Variants in FBXL13 observed in about 807,000 individuals in gnomAD.
FBXL13 encodes the protein F-box and leucine-rich repeat protein 13.
Under a neutral mutation model 83.6 loss-of-function variants are expected in FBXL13, and 67 were observed. The ratio of observed to expected loss-of-function variants is 0.80; its 90% CI spans 0.66 to 0.98. The LOEUF (loss-of-function observed/expected upper bound fraction) is 0.98. Ranked by LOEUF, FBXL13 falls within the 50% of genes least tolerant of loss-of-function variation. The probability of loss-of-function intolerance (pLI) is 0.00; values close to 1 mark genes in which losing one functional copy is unlikely to be tolerated. For synonymous variants in FBXL13, 272 were observed against 299.5 expected, an observed-to-expected ratio of 0.91 and a Z score of 0.95; for missense variants, 822 against 866.5, an observed-to-expected ratio of 0.95 and a Z score of 0.64.
intron 6 of FBXL13, among the ~76,000 whole-genome samples, chr7:103,014,921 C>CAAA (rs1166056647): frequency 1.6e-3 from 32 of 20,588 alleles, no homozygotes; most frequent in Non-Finnish European, 2.5e-3. Context: ...GACTCCGTCT[C>CAAA]AAAAAAAAAA....
chr7:102,953,891 G>A (rs1303225138), intron 8 of FBXL13, among the ~76,000 whole-genome samples: 2 of 152,074 alleles, frequency 1.3e-5, no homozygotes, highest in East Asian at 1.9e-4. Flanking sequence ...TTTCATATGT[G>A]TATATATGTG....
At chr7:102,973,540 C>A (rs941522917) in intron 6 of FBXL13, 1 of 764,626 alleles carries the variant, frequency 1.3e-6, no homozygotes, top group African/African-American at 1.7e-5. Flanking sequence ...CTCATTAAAA[C>A]AGCAGGTTGC....
chr7:102,855,898 TAAA>T (rs1273039300), intron 16 of FBXL13, among the ~76,000 whole-genome samples: 5 of 139,298 alleles, frequency 3.6e-5, no homozygotes, highest in African/African-American at 1.3e-4. Context: ...GGCCTTCTCA[TAAA>T]AAAAAAAAAG....
At chr7:103,045,524 G>C (rs976731780) in intron 2 of FBXL13, among the ~76,000 whole-genome samples, 29 of 152,154 alleles carry the variant, frequency 1.9e-4, no homozygotes, top group Non-Finnish European at 4.0e-4. Flanking sequence ...AGAACATTGA[G>C]TTTTGCAAAG....
chr7:103,072,422 T>A (rs866748791), intron 1 of FBXL13, among the ~76,000 whole-genome samples: 2 of 152,098 alleles, frequency 1.3e-5, no homozygotes, highest in Middle Eastern at 3.2e-3. Context: ...AGAATGCATA[T>A]AAGGGCCTCC....
At chr7:102,997,822 A>G (rs1445299021) in intron 6 of FBXL13, among the ~76,000 whole-genome samples, 1 of 152,180 alleles carries the variant, frequency 6.6e-6, no homozygotes, top group Non-Finnish European at 1.5e-5. Context: ...TCATCTGTTG[A>G]TGAACACTTA....
At chr7:102,834,085 GAAA>G (rs374592767) in intron 17 of FBXL13, among the ~76,000 whole-genome samples, 9 of 79,180 alleles carry the variant, frequency 1.1e-4, no homozygotes, top group African/African-American at 4.9e-4. Flanking sequence ...AGGAAGGAAA[GAAA>G]AGAAAGAAAG....
chr7:102,815,605 A>AGACC (rs1797888826), intron 19 of FBXL13, among the ~76,000 whole-genome samples: 1 of 152,086 alleles, frequency 6.6e-6, no homozygotes, highest in Non-Finnish European at 1.5e-5. Flanking sequence ...CTGTAGTACA[A>AGACC]GAGTAGCACA....
At chr7:102,987,423 C>T (rs1221254769) in intron 6 of FBXL13, among the ~76,000 whole-genome samples, 2 of 151,858 alleles carry the variant, frequency 1.3e-5, no homozygotes, top group Non-Finnish European at 2.9e-5. Context: ...AACCTAATTC[C>T]CCAAGCATCA....
intron 8 of FBXL13, among the ~76,000 whole-genome samples, chr7:102,959,979 T>A (rs1005059814): frequency 2.6e-5 from 4 of 152,144 alleles, no homozygotes; most frequent in Admixed American, 1.3e-4. Flanking sequence ...TGTGTATTTT[T>A]AATCACATAT....
At chr7:102,918,628 G>A (rs1033928756) in intron 10 of FBXL13, among the ~76,000 whole-genome samples, 1 of 152,168 alleles carries the variant, frequency 6.6e-6, no homozygotes, top group Non-Finnish European at 1.5e-5. Flanking sequence ...CCAGCCTGGG[G>A]AACATAGTGA....
chr7:102,905,305 T>C (rs1311942182), intron 11 of FBXL13, among the ~76,000 whole-genome samples: 1 of 152,182 alleles, frequency 6.6e-6, no homozygotes, highest in African/African-American at 2.4e-5. Flanking sequence ...GTTGGGTGCA[T>C]ATATATTTAA....
chr7:102,893,226 T>C (rs930392641), intron 11 of FBXL13, among the ~76,000 whole-genome samples: 2 of 152,238 alleles, frequency 1.3e-5, no homozygotes, highest in African/African-American at 4.8e-5. Flanking sequence ...CACAGCAACC[T>C]GAAATTTGGC....
Position 102,935,386 on chromosome 7 carries a change from A to T in FBXL13, c.725-3453T>A, listed in dbSNP as rs189579906. On this transcript the variant is annotated intron_variant, in intron 8 of 19. Coordinates refer to ENST00000313221, the Ensembl canonical transcript of FBXL13. ...CCTGCCTCAGCCTCTCGAGTAGCTG[A>T]TTTTAATAAATGCCTCTTAACATCC... Among the ~76,000 whole-genome samples, 253 of 151,074 alleles carry T rather than the reference A, an allele frequency of 1.7e-3. 1 individual carries two copies. The highest frequency in any genetic ancestry group is 6.0e-3 in the African/African-American group (248 of 41,132).
At chr7:102,826,777 A>C (rs1225205322) in intron 18 of FBXL13, among the ~76,000 whole-genome samples, 1 of 122,754 alleles carries the variant, frequency 8.1e-6, no homozygotes, top group East Asian at 2.5e-4. Flanking sequence ...ATATATGTAT[A>C]TATATCTCTA....
intron 11 of FBXL13, among the ~76,000 whole-genome samples, chr7:102,902,744 T>C (rs576761160): frequency 2.4e-4 from 37 of 152,266 alleles, no homozygotes; most frequent in Middle Eastern, 6.8e-3. Flanking sequence ...TGTCGGTGTA[T>C]AGATTTGTTT....
intron 11 of FBXL13, among the ~76,000 whole-genome samples, chr7:102,889,270 G>C (rs1483823178): frequency 6.6e-6 from 1 of 152,152 alleles, no homozygotes; most frequent in Non-Finnish European, 1.5e-5. Flanking sequence ...GACACAGAGT[G>C]GGTGCTCCAG....
intron 6 of FBXL13, among the ~76,000 whole-genome samples, chr7:103,023,138 T>C (rs1793414507): frequency 6.6e-6 from 1 of 152,078 alleles, no homozygotes; most frequent in Non-Finnish European, 1.5e-5. Flanking sequence ...TAGCCGGGCG[T>C]GGTGGCGGGC....
chr7:102,839,827 A>C (rs185673501), intron 17 of FBXL13, among the ~76,000 whole-genome samples: 1 of 152,112 alleles, frequency 6.6e-6, no homozygotes, highest in African/African-American at 2.4e-5. Flanking sequence ...AACTATTCAA[A>C]TATATATTAT....
Sources: allele counts gnomAD v4.1 joint callset (sites outside exome capture counted in the v4.1 genomes callset), GRCh38; gene constraint gnomAD v4.1.1; transcripts MANE v1.5; gene names NCBI Gene and HGNC (gene_info 2026-07-23, HGNC 2026-07-21).